CIAO2A: variants seen among roughly 807,000 people sequenced by gnomAD.
CIAO2A encodes the protein MIP18 family protein FAM96A.
In CIAO2A, 17 loss-of-function variants were observed where a neutral mutation model predicts 22.4. That is an observed-to-expected ratio of 0.76 (90% CI 0.52 to 1.14). The LOEUF is 1.14. Among genes scored for constraint, CIAO2A ranks in the 50% most tolerant of loss-of-function variants. CIAO2A has a pLI of 0.00. For missense variants in CIAO2A, 192 were observed against 191.4 expected, an observed-to-expected ratio of 1.00 and a Z score of -0.02; for synonymous variants, 74 against 72.3, an observed-to-expected ratio of 1.02 and a Z score of -0.12.
At chr15:64,082,755 A>G (rs556392267) in intron 2 of CIAO2A, among the ~76,000 whole-genome samples, 115 of 152,284 alleles carry the variant, frequency 7.6e-4, no homozygotes, top group African/African-American at 2.6e-3. Flanking sequence ...CAATTCGCAA[A>G]GCACTTTTTT....
In CIAO2A at chr15:64,088,723, G is replaced by T. The variant is rs756509353; in HGVS notation, c.253C>A (p.Pro85Thr). ...GCCAAAGAGCAATGAGGTACTGTTG[G>T]CGTGAACCTGATAATAACCAGATAT... Reference protein sequence around the residue: ...EEYLVIIRFTPTVPHCSLATL... With the variant: ...EEYLVIIRFTTTVPHCSLATL... The change falls in exon 2 of 5, where the codon CCA (proline) becomes ACA (threonine). Residue 85 changes from proline (P) to threonine (T), a missense_variant. Transcript: ENST00000300030. 124 of 1,613,570 alleles carry T rather than the reference G, an allele frequency of 7.7e-5. 2 individuals carry two copies. Among genetic ancestry groups the T allele is most frequent in the South Asian group, 3.0e-4 (27 of 90,972 alleles).
At chr15:64,085,382 T>C (rs952761054) in intron 2 of CIAO2A, among the ~76,000 whole-genome samples, 5 of 152,108 alleles carry the variant, frequency 3.3e-5, no homozygotes, top group African/African-American at 1.2e-4. Flanking sequence ...CCTGAAGTTC[T>C]AACTTTTCAG....
At position 64,072,867 on chromosome 15, in the gene CIAO2A, A is replaced by G; in HGVS notation, c.*64T>C. On this transcript the variant is annotated 3_prime_UTR_variant, in exon 5 of 5. Transcript: ENST00000300030. ...TATGTATTAAACATGAGTCTCTGAC[A>G]TTATACAAAGAGTTTAAACAAATAT... is the stretch of plus-strand genomic sequence containing the variant. 1 of 1,079,600 alleles carries G rather than the reference A, an allele frequency of 9.3e-7. No individual in the cohort carries two copies. Among genetic ancestry groups the G allele is most frequent in the Non-Finnish European group, 1.4e-6 (1 of 711,112 alleles). 66.9% of individuals were successfully genotyped at this position (1,079,600 alleles called of 1,614,324 possible).
chr15:64,090,990 G>C (rs113423036), intron 1 of CIAO2A, among the ~76,000 whole-genome samples: 2,319 of 152,226 alleles, frequency 0.015, 13 homozygotes, highest in Non-Finnish European at 0.02. Context: ...TGAAGGAAAG[G>C]AGAACAATAA....
intron 1 of CIAO2A, among the ~76,000 whole-genome samples, chr15:64,092,545 C>T (rs756865788): frequency 3.3e-5 from 5 of 152,196 alleles, no homozygotes; most frequent in Non-Finnish European, 5.9e-5. Flanking sequence ...TAGAGTCACT[C>T]TCTTCCAAAG....
At chr15:64,093,413 C>G (rs1348425004) in intron 1 of CIAO2A, among the ~76,000 whole-genome samples, 1 of 151,610 alleles carries the variant, frequency 6.6e-6, no homozygotes, top group African/African-American at 2.4e-5. Context: ...TCGGCTTGCC[C>G]CAGGTTTACG....
At chr15:64,077,711 A>C (rs999583112) in intron 3 of CIAO2A, among the ~76,000 whole-genome samples, 1 of 152,256 alleles carries the variant, frequency 6.6e-6, no homozygotes, top group African/African-American at 2.4e-5. Context: ...CATGAAATAA[A>C]GGCTAAGGAA....
At chr15:64,092,965 G>T (rs776593489) in intron 1 of CIAO2A, among the ~76,000 whole-genome samples, 1 of 152,244 alleles carries the variant, frequency 6.6e-6, no homozygotes, top group Admixed American at 6.5e-5. Context: ...CTTACTGGCA[G>T]TGTGACCTCC....
chr15:64,087,067 A>ATGCCT (rs946129575), intron 2 of CIAO2A, among the ~76,000 whole-genome samples: 1 of 141,076 alleles, frequency 7.1e-6, no homozygotes, highest in Non-Finnish European at 1.5e-5. Flanking sequence ...GTGTGCCACC[A>ATGCCT]TGCCTTGCTA....
intron 4 of CIAO2A, among the ~76,000 whole-genome samples, chr15:64,073,317 T>C (rs2080689081): frequency 6.6e-6 from 1 of 152,172 alleles, no homozygotes; most frequent in South Asian, 2.1e-4. Context: ...AAAATTGCTA[T>C]TTTTTCCCCC....
chr15:64,093,146 G>T (rs923597696), intron 1 of CIAO2A, among the ~76,000 whole-genome samples: 3 of 152,190 alleles, frequency 2.0e-5, no homozygotes, highest in African/African-American at 7.2e-5. Flanking sequence ...TTCTTTCGGG[G>T]ACCTCTGCTT....
chr15:64,080,366 G>A (rs566785952), intron 3 of CIAO2A, among the ~76,000 whole-genome samples: 3 of 150,938 alleles, frequency 2.0e-5, no homozygotes, highest in Admixed American at 1.3e-4. Context: ...CCAGCCTGGC[G>A]ACAGGGCAAG....
chr15:64,085,066 T>G (rs1362126541), intron 2 of CIAO2A, among the ~76,000 whole-genome samples: 1 of 148,110 alleles, frequency 6.8e-6, no homozygotes, highest in Non-Finnish European at 1.5e-5. Context: ...GCCAATAAAG[T>G]GAGACTCTGT....
chr15:64,091,246 T>C (rs2140117571), intron 1 of CIAO2A, among the ~76,000 whole-genome samples: 1 of 152,154 alleles, frequency 6.6e-6, no homozygotes, highest in African/African-American at 2.4e-5. Flanking sequence ...TTTGGGAGGC[T>C]GAGGCAAGTG....
intron 1 of CIAO2A, among the ~76,000 whole-genome samples, chr15:64,093,183 T>A (rs1595963861): frequency 6.6e-6 from 1 of 152,230 alleles, no homozygotes; most frequent in South Asian, 2.1e-4. Context: ...AGAGTGGCTG[T>A]GACCTTGGGC....
At position 64,081,101 on chromosome 15, in the gene CIAO2A, C is replaced by G. The variant is rs1479368414; in HGVS notation, c.339+1G>C. On this transcript the variant is annotated splice_donor_variant, in intron 3 of 4. Coordinates refer to ENST00000300030, the MANE Select transcript of CIAO2A (RefSeq NM_032231.7). LOFTEE classifies it high-confidence loss of function. ...CAACAACAAAAATACATCTTTCTTACCTTATGTTTAAATGGTAAACATCGC... is the reference window on the plus strand; with the variant it reads ...CAACAACAAAAATACATCTTTCTTAGCTTATGTTTAAATGGTAAACATCGC... 6.2e-7 allele frequency: 1 copy of G among 1,612,880 alleles called. No homozygotes were observed. Among genetic ancestry groups the G allele is most frequent in the Non-Finnish European group, 8.5e-7 (1 of 1,179,578 alleles).
At chr15:64,075,653 CT>C (rs147717856) in intron 3 of CIAO2A, 116 bp from the exon 4 acceptor site, 59,967 of 377,232 alleles carry the variant, frequency 0.16, no homozygotes, top group South Asian at 0.24. Context: ...AATCCTGTTT[CT>C]TTTTTTTTTT....
At chr15:64,091,703 T>C (rs1045587212) in intron 1 of CIAO2A, among the ~76,000 whole-genome samples, 7 of 152,036 alleles carry the variant, frequency 4.6e-5, no homozygotes, top group Middle Eastern at 3.2e-3. Flanking sequence ...TTAAATATCA[T>C]CCTTATTAAA....
chr15:64,078,416 C>A (rs949397222), intron 3 of CIAO2A, among the ~76,000 whole-genome samples: 2 of 152,044 alleles, frequency 1.3e-5, no homozygotes, highest in African/African-American at 4.8e-5. Flanking sequence ...GGGTGTATCA[C>A]CTGAAGTCAG....
Sources: gnomAD v4.1 joint callset for allele counts (sites outside exome capture counted in the v4.1 genomes callset) on GRCh38, gnomAD v4.1.1 for gene constraint, MANE v1.5 for transcripts, NCBI Gene and HGNC (gene_info 2026-07-23, HGNC 2026-07-21) for gene names.